Variants in TMEM114 observed in about 807,000 individuals in gnomAD.
The protein encoded by TMEM114 is claudin-26.
TMEM114 carries 6 observed loss-of-function variants against 6.2 expected under a neutral mutation model. That is an observed-to-expected ratio of 0.97 (90% CI 0.53 to 1.91). TMEM114 has a LOEUF of 1.91. TMEM114 is among the 40% of genes most tolerant of loss of function. The pLI is 0.01. For synonymous variants in TMEM114, 104 were observed against 73.0 expected, an observed-to-expected ratio of 1.42 and a Z score of -2.16; for missense variants, 218 against 158.3, an observed-to-expected ratio of 1.38 and a Z score of -2.02.
chr16:8,535,433 G>A (rs572877533), downstream of TMEM114, among the ~76,000 whole-genome samples: 5 of 151,626 alleles, frequency 3.3e-5, no homozygotes, highest in African/African-American at 4.8e-5. Context: ...TACAATCTTC[G>A]CTGAAAGACA....
At chr16:8,532,946 A>C (rs1018069755), downstream of TMEM114, among the ~76,000 whole-genome samples, 1 of 152,140 alleles carries the variant, frequency 6.6e-6, no homozygotes, top group African/African-American at 2.4e-5. Context: ...AAAAATAAAG[A>C]AAAGAAATAT....
the TMEM114 span, among the ~76,000 whole-genome samples, chr16:8,532,377 T>C: frequency 6.6e-6 from 1 of 152,146 alleles, no homozygotes; most frequent in South Asian, 2.1e-4. Flanking sequence ...TCGTGATCTC[T>C]AAAAACTCTT....
At chr16:8,581,746 G>A (rs1045739450) in intron 2 of TMEM114, among the ~76,000 whole-genome samples, 4 of 152,242 alleles carry the variant, frequency 2.6e-5, no homozygotes, top group African/African-American at 9.6e-5. Context: ...GCGCCACTGC[G>A]CCCAGCCAGA....
downstream of TMEM114, among the ~76,000 whole-genome samples, chr16:8,564,648 A>C (rs926315010): frequency 7.0e-6 from 1 of 143,790 alleles, no homozygotes; most frequent in South Asian, 2.2e-4. Context: ...TGAGTGAGTA[A>C]ATGAGTGAGT....
intron 2 of TMEM114, among the ~76,000 whole-genome samples, chr16:8,549,930 G>C (rs1342531815): frequency 1.3e-5 from 2 of 152,196 alleles, no homozygotes; most frequent in Non-Finnish European, 2.9e-5. Context: ...GAAGCCAGTA[G>C]TGGCTCAGTC....
At chr16:8,564,228 AGTGAG>A (rs1567203553) in intron 2 of TMEM114, among the ~76,000 whole-genome samples, 4 of 34,776 alleles carry the variant, frequency 1.2e-4, no homozygotes, top group South Asian at 7.5e-4. Flanking sequence ...TTAGTGAATG[AGTGAG>A]TTAGTGAATG....
chr16:8,560,468 GC>G (rs1167273110), intron 2 of TMEM114, among the ~76,000 whole-genome samples: 1 of 152,184 alleles, frequency 6.6e-6, no homozygotes, highest in Non-Finnish European at 1.5e-5. Flanking sequence ...AAGTTTGCAT[GC>G]CAGGGTGGCC....
intron 2 of TMEM114, among the ~76,000 whole-genome samples, chr16:8,563,589 A>AAGAG (rs1555463760): frequency 5.6e-5 from 8 of 144,086 alleles, no homozygotes; most frequent in African/African-American, 2.1e-4. Flanking sequence ...GAGTGAGTGA[A>AAGAG]TGAGTGTGTG....
At chr16:8,566,283 A>T (rs1481149171), downstream of TMEM114, among the ~76,000 whole-genome samples, 2 of 152,086 alleles carry the variant, frequency 1.3e-5, no homozygotes, top group Non-Finnish European at 2.9e-5. Context: ...AGGCTGAGGC[A>T]GGAGAATCAC....
chr16:8,531,057 G>C, the TMEM114 span, among the ~76,000 whole-genome samples: 1 of 152,092 alleles, frequency 6.6e-6, no homozygotes, highest in African/African-American at 2.4e-5. Context: ...GGAAGGGAGG[G>C]AGGGAGGAGT....
intron 2 of TMEM114, among the ~76,000 whole-genome samples, chr16:8,542,679 T>C (rs974159531): frequency 2.0e-5 from 3 of 152,000 alleles, no homozygotes; most frequent in African/African-American, 7.2e-5. Flanking sequence ...GCAACCTAGG[T>C]GCACTATTCA....
chr16:8,553,537 G>C (rs1158471633), intron 2 of TMEM114, among the ~76,000 whole-genome samples: 1 of 152,128 alleles, frequency 6.6e-6, no homozygotes, highest in Non-Finnish European at 1.5e-5. Context: ...CCAGGCTGGA[G>C]TGCAGTGGCA....
rs1348401049 is a variant in TMEM114 at position 8,589,142 on chromosome 16, T to C, written c.301+71A>G. Reference sequence around the variant, plus strand: ...TCCGCAGGCCCCGAAGCCCGGCTGTTTTGGGAAAGGCTCCAGAACTCACGG... The same window carrying C: ...TCCGCAGGCCCCGAAGCCCGGCTGTCTTGGGAAAGGCTCCAGAACTCACGG... On this transcript the variant is annotated intron_variant, in intron 2 of 3. Transcript: ENST00000620492. 54 of 396,870 alleles carry C rather than the reference T, an allele frequency of 1.4e-4. No homozygotes were observed. The East Asian group carries it at 1.8e-3, about 13-fold the overall frequency. The allele number at this position is 396,870 out of a possible 1,614,324, so 24.6% of individuals were successfully genotyped here. A position where few individuals can be genotyped will look rare whatever the true frequency, so the allele number is the denominator to read the frequency against.
chr16:8,554,646 A>G (rs1331174526), intron 2 of TMEM114, among the ~76,000 whole-genome samples: 1 of 151,552 alleles, frequency 6.6e-6, no homozygotes, highest in African/African-American at 2.4e-5. Context: ...GAATGTAAGA[A>G]TGATGGAGTT....
chr16:8,587,428 A>T (rs1004918558), intron 2 of TMEM114, among the ~76,000 whole-genome samples: 7 of 152,140 alleles, frequency 4.6e-5, no homozygotes, highest in African/African-American at 1.7e-4. Context: ...TTTAAACCCC[A>T]CCCCACAAAA....
chr16:8,546,962 G>A (rs1356944801), intron 2 of TMEM114, among the ~76,000 whole-genome samples: 1 of 152,218 alleles, frequency 6.6e-6, no homozygotes, highest in African/African-American at 2.4e-5. Flanking sequence ...ACAGGGGAAA[G>A]CCACAGCCAA....
At chr16:8,558,168 A>C (rs1338735432) in intron 2 of TMEM114, among the ~76,000 whole-genome samples, 2 of 152,158 alleles carry the variant, frequency 1.3e-5, no homozygotes, top group African/African-American at 4.8e-5. Flanking sequence ...CAGGAGAATC[A>C]CTTGAACCTG....
At chr16:8,574,625 G>C (rs933477459) in intron 2 of TMEM114, among the ~76,000 whole-genome samples, 6 of 103,902 alleles carry the variant, frequency 5.8e-5, no homozygotes, top group Non-Finnish European at 4.5e-5. Context: ...GAAAAGTCTT[G>C]GGCAGGGAAG....
At chr16:8,542,312 G>T (rs760391477) in intron 2 of TMEM114, among the ~76,000 whole-genome samples, 14 of 152,164 alleles carry the variant, frequency 9.2e-5, no homozygotes, top group Non-Finnish European at 1.6e-4. Context: ...TCTTACAAGA[G>T]ATGTTTTATC....
Sources: gnomAD v4.1 joint callset for allele counts (sites outside exome capture counted in the v4.1 genomes callset) on GRCh38, gnomAD v4.1.1 for gene constraint, MANE v1.5 for transcripts, NCBI Gene and HGNC (gene_info 2026-07-23, HGNC 2026-07-21) for gene names.